MEGF9: variants seen among roughly 807,000 people sequenced by gnomAD.
MEGF9 encodes the protein multiple EGF like domains 9.
A neutral mutation model predicts 46.8 loss-of-function variants in MEGF9; 6 were observed. The ratio of observed to expected loss-of-function variants is 0.13; its 90% CI spans 0.07 to 0.25. The LOEUF (loss-of-function observed/expected upper bound fraction) is 0.25, where lower values mean the gene tolerates loss of function less well. Among genes scored for constraint, MEGF9 ranks in the 10% least tolerant of loss-of-function variants. MEGF9 has a pLI of 1.00. For synonymous variants in MEGF9, 302 were observed against 330.7 expected (o/e 0.91, Z 0.94); for missense variants, 683 against 792.4 (o/e 0.86, Z 1.66).
At position 120,607,883 on chromosome 9, in the gene MEGF9, A is replaced by G. The variant is rs2043426564; in HGVS notation, c.1215T>C (p.His405=). The G allele has an allele frequency of 2.5e-6, 4 of 1,614,016 alleles. No individual in the cohort carries two copies. Among genetic ancestry groups the G allele is most frequent in the South Asian group, 2.2e-5 (2 of 91,088 alleles). ...TCTTTGGAGTTTTAACTGGGTCCAC[A>G]TGGCCGTGACATTGGCACTTTCTAC... ...SICRKCQCHG[H]VDPVKTPKIC... is the part of the protein sequence containing the mutation. Residue 405 remains histidine (H), a synonymous_variant, in exon 5 of 6, where the codon CAT becomes CAC. Coordinates refer to ENST00000373930, the MANE Select transcript of MEGF9 (RefSeq NM_001080497.3).
chr9:120,652,560 G>C (rs1237365751), intron 2 of MEGF9, among the ~76,000 whole-genome samples: 2 of 145,668 alleles, frequency 1.4e-5, no homozygotes, highest in Non-Finnish European at 3.0e-5. Flanking sequence ...TTATTGAGCT[G>C]AATCTACGTG....
chr9:120,623,653 C>G (rs917490305), intron 2 of MEGF9, among the ~76,000 whole-genome samples: 3 of 152,030 alleles, frequency 2.0e-5, no homozygotes, highest in Non-Finnish European at 2.9e-5. Flanking sequence ...AGAAAAGAAG[C>G]CACACACATA....
chr9:120,664,046 T>C (rs368036951), intron 1 of MEGF9, among the ~76,000 whole-genome samples: 2 of 152,120 alleles, frequency 1.3e-5, no homozygotes, highest in Non-Finnish European at 2.9e-5. Context: ...AGCCAAGAGA[T>C]GAAAATTTTT....
chr9:120,632,336 GTTT>G (rs34449214), intron 2 of MEGF9, among the ~76,000 whole-genome samples: 2,403 of 132,994 alleles, frequency 0.018, 62 homozygotes, highest in African/African-American at 0.061. Context: ...ATTCCTAAGT[GTTT>G]TTTTTTTTTT....
chr9:120,636,274 T>C (rs897610679), intron 2 of MEGF9, among the ~76,000 whole-genome samples: 2 of 152,156 alleles, frequency 1.3e-5, no homozygotes, highest in African/African-American at 4.8e-5. Flanking sequence ...CTTCCATAGA[T>C]AAGGACTTTC....
intron 1 of MEGF9, among the ~76,000 whole-genome samples, chr9:120,677,273 C>G (rs368736098): frequency 6.6e-6 from 1 of 151,912 alleles, no homozygotes; most frequent in East Asian, 1.9e-4. Flanking sequence ...GGACTACAGG[C>G]GTGCACCACC....
At chr9:120,647,098 C>T (rs1453755579) in intron 2 of MEGF9, among the ~76,000 whole-genome samples, 1 of 151,490 alleles carries the variant, frequency 6.6e-6, no homozygotes, top group African/African-American at 2.4e-5. Flanking sequence ...TATCAACACA[C>T]TGTGACATGT....
chr9:120,672,879 C>T (rs959827167), intron 1 of MEGF9, among the ~76,000 whole-genome samples: 4 of 151,984 alleles, frequency 2.6e-5, no homozygotes, highest in Middle Eastern at 3.4e-3. Context: ...CAAAATTAGC[C>T]GGGTGTGGTG....
chr9:120,608,912 C>T (rs2043432349), intron 4 of MEGF9, among the ~76,000 whole-genome samples: 1 of 152,190 alleles, frequency 6.6e-6, no homozygotes, highest in South Asian at 2.1e-4. Flanking sequence ...TTTCCATTCC[C>T]ACTGGAGTGA....
chr9:120,619,223 T>C (rs542802419), intron 3 of MEGF9, among the ~76,000 whole-genome samples: 6 of 151,944 alleles, frequency 3.9e-5, no homozygotes, highest in African/African-American at 1.2e-4. Context: ...GGTGGGCGCC[T>C]GTAATCCCAG....
At chr9:120,621,169 C>T (rs564519733) in intron 3 of MEGF9, among the ~76,000 whole-genome samples, 1 of 152,240 alleles carries the variant, frequency 6.6e-6, no homozygotes, top group East Asian at 1.9e-4. Flanking sequence ...TTTTATATTG[C>T]TTAGGGTTTG....
chr9:120,714,010 GA>G lies in MEGF9; in HGVS notation c.348del (p.Gln117ArgfsTer44). 3 of 1,382,864 alleles carry G rather than the reference GA, an allele frequency of 2.2e-6. No individual in the cohort carries two copies. Among genetic ancestry groups the G allele is most frequent in the Non-Finnish European group, 2.8e-6 (3 of 1,063,982 alleles). 85.7% of individuals were successfully genotyped at this position (1,382,864 alleles called of 1,614,324 possible). The part of the protein sequence containing the change: ...WATAGPSSTT[F>X]QAPLGPSPTT... ...GTCGGCGAGGGGCCGAGCGGCGCCTGAAAGGTGGTGGAAGAGGGTCCAGCAG... is the reference window on the plus strand; with the variant it reads ...GTCGGCGAGGGGCCGAGCGGCGCCTGAAGGTGGTGGAAGAGGGTCCAGCAG... On this transcript the variant is annotated frameshift_variant, in exon 1 of 6. Coordinates refer to ENST00000373930, the MANE Select transcript of MEGF9 (RefSeq NM_001080497.3). LOFTEE classifies it high-confidence loss of function.
intron 1 of MEGF9, among the ~76,000 whole-genome samples, chr9:120,687,909 G>C (rs1032820695): frequency 6.6e-6 from 1 of 152,000 alleles, no homozygotes; most frequent in Non-Finnish European, 1.5e-5. Context: ...CAGGTATACA[G>C]GGGATGTTCA....
intron 2 of MEGF9, among the ~76,000 whole-genome samples, chr9:120,648,466 G>A (rs1564419847): frequency 6.6e-6 from 1 of 151,896 alleles, no homozygotes; most frequent in African/African-American, 2.4e-5. Flanking sequence ...CAGTGAAGAC[G>A]TCTTTTTCTT....
intron 2 of MEGF9, among the ~76,000 whole-genome samples, chr9:120,652,478 T>TAAAAAAAAAAAAA (rs57268783): frequency 5.8e-5 from 5 of 85,612 alleles, no homozygotes; most frequent in Non-Finnish European, 8.7e-5. Context: ...GATCTTGTCT[T>TAAAAAAAAAAAAA]AAAAAAAAAA....
At chr9:120,622,546 A>G (rs1252144915) in intron 3 of MEGF9, 70 bp downstream of exon 3, 4 of 1,555,186 alleles carry the variant, frequency 2.6e-6, no homozygotes, top group Non-Finnish European at 3.5e-6. Flanking sequence ...GAATCAACCT[A>G]TAGCTGAAAG....
At chr9:120,612,589 A>C in intron 3 of MEGF9, 50 bp from the exon 4 acceptor site, 3 of 1,526,000 alleles carry the variant, frequency 2.0e-6, no homozygotes, top group Non-Finnish European at 2.7e-6. Flanking sequence ...CTTGAAAGCC[A>C]AGTAACTTTC....
Position 120,713,990 on chromosome 9 carries a change from C to T in MEGF9, c.369G>A (p.Ser123=). 2 of 1,382,338 alleles carry T rather than the reference C, an allele frequency of 1.4e-6. No individual in the cohort carries two copies. Among genetic ancestry groups the T allele is most frequent in the South Asian group, 1.7e-5 (1 of 57,364 alleles). 85.6% of individuals were successfully genotyped at this position (1,382,338 alleles called of 1,614,324 possible). The change falls in exon 1 of 6, where the codon TCG becomes TCA. Residue 123 remains serine (S), a synonymous_variant. Transcript: ENST00000373930. The stretch of plus-strand genomic sequence containing the variant: ...GTTCCGCCGCCGGAGGGGTGGTCGG[C>T]GAGGGGCCGAGCGGCGCCTGAAAGG... ...STTFQAPLGP[S]PTTPPAAERT...
chr9:120,628,961 G>A (rs529116303), intron 2 of MEGF9, among the ~76,000 whole-genome samples: 101 of 152,052 alleles, frequency 6.6e-4, no homozygotes, highest in South Asian at 4.4e-3. Flanking sequence ...CAACACTCCA[G>A]TCATGATGAC....
Sources: allele counts gnomAD v4.1 joint callset (sites outside exome capture counted in the v4.1 genomes callset), GRCh38; gene constraint gnomAD v4.1.1; transcripts MANE v1.5; gene names NCBI Gene and HGNC (gene_info 2026-07-23, HGNC 2026-07-21).